Variants in PPM1E observed in about 807,000 individuals in gnomAD.
PPM1E encodes protein phosphatase 1E.
PPM1E carries 20 observed loss-of-function variants against 65.9 expected under a neutral mutation model. That is an observed-to-expected ratio of 0.30 (90% CI 0.21 to 0.44). The LOEUF is 0.44. Among genes scored for constraint, PPM1E ranks in the 20% least tolerant of loss-of-function variants. The probability of loss-of-function intolerance (pLI) is 1.00; values close to 1 mark genes in which losing one functional copy is unlikely to be tolerated. For missense variants in PPM1E, 713 were observed against 953.1 expected (o/e 0.75, Z 3.32); for synonymous variants, 352 against 374.9 (o/e 0.94, Z 0.70).
intron 1 of PPM1E, among the ~76,000 whole-genome samples, chr17:58,868,059 G>A (rs1472385926): frequency 6.6e-6 from 1 of 152,148 alleles, no homozygotes; most frequent in African/African-American, 2.4e-5. Flanking sequence ...GCCAGGCGCA[G>A]TGGTTCATGT....
chr17:58,888,553 G>A (rs565646505), intron 1 of PPM1E, among the ~76,000 whole-genome samples: 35 of 151,726 alleles, frequency 2.3e-4, no homozygotes, highest in African/African-American at 7.7e-4. Flanking sequence ...TAGTAGAGAC[G>A]GGGTTTCTTC....
chr17:58,834,504 T>C (rs534743904), intron 1 of PPM1E, among the ~76,000 whole-genome samples: 28 of 152,324 alleles, frequency 1.8e-4, no homozygotes, highest in Non-Finnish European at 1.3e-4. Flanking sequence ...CTCTTGTTTT[T>C]TCCCTAAGAG....
At chr17:58,946,473 G>A (rs1455311125) in intron 1 of PPM1E, among the ~76,000 whole-genome samples, 14 of 152,044 alleles carry the variant, frequency 9.2e-5, no homozygotes. Context: ...TTTTTGTTTT[G>A]TTTTGAGACA....
chr17:58,822,695 A>T (rs1261929344), intron 1 of PPM1E, among the ~76,000 whole-genome samples: 1 of 152,218 alleles, frequency 6.6e-6, no homozygotes, highest in Non-Finnish European at 1.5e-5. Flanking sequence ...TGAAGATGTA[A>T]AGATGAGGAT....
At chr17:58,784,016 T>G (rs2050074235) in intron 1 of PPM1E, among the ~76,000 whole-genome samples, 2 of 149,180 alleles carry the variant, frequency 1.3e-5, no homozygotes, top group Admixed American at 1.3e-4. Context: ...CGGCCTGTTT[T>G]TTTTGTTTTG....
chr17:58,770,612 G>C (rs1023039487), intron 1 of PPM1E, among the ~76,000 whole-genome samples: 10 of 151,986 alleles, frequency 6.6e-5, no homozygotes, highest in African/African-American at 2.4e-4. Context: ...CCTTACAAAT[G>C]AATAGCAAAA....
chr17:58,788,703 C>T (rs773505417), intron 1 of PPM1E, among the ~76,000 whole-genome samples: 26 of 152,158 alleles, frequency 1.7e-4, no homozygotes, highest in Non-Finnish European at 3.2e-4. Context: ...TAGCAATGAA[C>T]GTATTTTTTG....
chr17:58,760,745 G>A (rs1282794288), intron 1 of PPM1E, among the ~76,000 whole-genome samples: 1 of 152,172 alleles, frequency 6.6e-6, no homozygotes, highest in Non-Finnish European at 1.5e-5. Context: ...AAGATGCTAT[G>A]CAAAACCTCA....
chr17:58,955,906 A>T (rs1598676050), intron 2 of PPM1E, 139 bp downstream of exon 2: 1 of 927,634 alleles, frequency 1.1e-6, no homozygotes. Flanking sequence ...GGGGAGAAAA[A>T]ATGCAACTTT....
In PPM1E at chr17:58,818,772, A is replaced by G. The variant is rs1190979421; in HGVS notation, c.464+62311A>G. Among the ~76,000 whole-genome samples the G allele has an allele frequency of 2.6e-5, 4 of 152,152 alleles. No individual in the cohort carries two copies. In the East Asian group the frequency reaches 7.7e-4, roughly 29 times the overall value. Reference sequence around the variant, plus strand: ...TGAAATGCTCTTGCTTTCTGGAAAAATCTCTTTATGTAAACTCCTTAAGGG... The same window carrying G: ...TGAAATGCTCTTGCTTTCTGGAAAAGTCTCTTTATGTAAACTCCTTAAGGG... On this transcript the variant is annotated intron_variant, in intron 1 of 6. Coordinates refer to ENST00000308249, the MANE Select transcript of PPM1E (RefSeq NM_014906.5).
At chr17:58,966,008 A>C in intron 3 of PPM1E, 115 bp downstream of exon 3, 3 of 1,099,880 alleles carry the variant, frequency 2.7e-6, no homozygotes, top group Non-Finnish European at 3.9e-6. Context: ...CTGGTAGATT[A>C]GAGTAGGGCT....
At chr17:58,796,424 C>T (rs1376644011) in intron 1 of PPM1E, among the ~76,000 whole-genome samples, 1 of 152,074 alleles carries the variant, frequency 6.6e-6, no homozygotes, top group Non-Finnish European at 1.5e-5. Context: ...GCATGTGCCA[C>T]CAAGCCTGGC....
rs1455166312 is a variant in PPM1E at position 58,984,646 on chromosome 17, G to A, written c.*3615G>A. ...GGACAAATGCCCACTCTTCTATTCT[G>A]ATCTGCAAATAGCTTAAATGTCTCT... On this transcript the variant is annotated 3_prime_UTR_variant, in exon 7 of 7. Coordinates refer to ENST00000308249, the MANE Select transcript of PPM1E (RefSeq NM_014906.5). 1 of 152,558 alleles carries A rather than the reference G, an allele frequency of 6.6e-6. No homozygotes were observed. The highest frequency in any genetic ancestry group is 2.4e-5 in the African/African-American group (1 of 41,432). The allele number at this position is 152,558 out of a possible 1,614,324, so 9.5% of individuals were successfully genotyped here. A position where few individuals can be genotyped will look rare whatever the true frequency, so the allele number is the denominator to read the frequency against.
chr17:58,883,658 G>T (rs2051231490), intron 1 of PPM1E, among the ~76,000 whole-genome samples: 3 of 150,956 alleles, frequency 2.0e-5, no homozygotes, highest in South Asian at 4.2e-4. Context: ...TAATTTTTTT[G>T]TGTTTTTTAG....
chr17:58,846,969 G>T (rs1466614199), intron 1 of PPM1E, among the ~76,000 whole-genome samples: 3 of 152,112 alleles, frequency 2.0e-5, no homozygotes, highest in African/African-American at 4.8e-5. Context: ...ATTCTAACTG[G>T]TGTGAGATGG....
intron 3 of PPM1E, among the ~76,000 whole-genome samples, chr17:58,968,358 G>A (rs2030389450): frequency 6.6e-6 from 1 of 152,118 alleles, no homozygotes. Flanking sequence ...CCAGGAATTC[G>A]AAGTTACAAT....
At chr17:58,885,459 C>G (rs1457421594) in intron 1 of PPM1E, among the ~76,000 whole-genome samples, 2 of 152,144 alleles carry the variant, frequency 1.3e-5, no homozygotes, top group Non-Finnish European at 2.9e-5. Flanking sequence ...GTAGTTTGTG[C>G]ATATTTATTT....
At chr17:58,893,989 C>T (rs1387913164) in intron 1 of PPM1E, among the ~76,000 whole-genome samples, 1 of 151,876 alleles carries the variant, frequency 6.6e-6, no homozygotes, top group African/African-American at 2.4e-5. Context: ...TGGTAGGATC[C>T]CTTGAGCTCA....
At chr17:58,905,113 CTCTT>C (rs1424700759) in intron 1 of PPM1E, among the ~76,000 whole-genome samples, 2 of 152,132 alleles carry the variant, frequency 1.3e-5, no homozygotes, top group Admixed American at 6.5e-5. Flanking sequence ...GGTTTTTTGA[CTCTT>C]TCAGATTTTC....
Sources: allele counts gnomAD v4.1 joint callset (sites outside exome capture counted in the v4.1 genomes callset), GRCh38; gene constraint gnomAD v4.1.1; transcripts MANE v1.5; gene names NCBI Gene and HGNC (gene_info 2026-07-23, HGNC 2026-07-21).